SPANXN4: variants seen among roughly 807,000 people sequenced by gnomAD.
SPANXN4 encodes sperm protein associated with the nucleus on the X chromosome N4.
A neutral mutation model predicts 6.0 loss-of-function variants in SPANXN4; 5 were observed. The ratio of observed to expected loss-of-function variants is 0.83; its 90% CI spans 0.44 to 1.75. SPANXN4 has a LOEUF of 1.75. Among genes scored for constraint, SPANXN4 ranks in the 40% most tolerant of loss-of-function variants. The pLI, the probability that SPANXN4 is intolerant of heterozygous loss-of-function variation, is 0.02. For synonymous variants in SPANXN4, 45 were observed against 38.0 expected (o/e 1.19, Z -0.68); for missense variants, 157 against 108.6 (o/e 1.45, Z -1.98).
At chrX:143,035,577 G>C (rs1436966452), downstream of SPANXN4, among the ~76,000 whole-genome samples, 1 of 110,744 alleles carries the variant, frequency 9.0e-6, no homozygotes, top group Non-Finnish European at 1.9e-5. Context: ...TCAAGTGACT[G>C]TAAATAGTAT....
rs1476981519 is a variant in SPANXN4, at chrX:143,034,022, C to T, written c.79-6C>T. ...TTCTGGCCTCTCCCTGTTTTTTTAC[C>T]AGAAGAAGAAGAATCTGCACAGAGC... On this transcript the variant is annotated splice_region_variant and splice_polypyrimidine_tract_variant and intron_variant, in intron 1 of 2. Coordinates refer to ENST00000370504, the Ensembl canonical transcript of SPANXN4. The T allele has an allele frequency of 8.6e-6, 10 of 1,161,076 alleles. No individual in the cohort carries two copies. Among genetic ancestry groups the T allele is most frequent in the Middle Eastern group, 2.4e-4 (1 of 4,248 alleles).
At chrX:143,034,529 G>C (rs1281704948) in exon 3 of SPANXN4, 14 of 1,145,504 alleles carry the variant, frequency 1.2e-5, no homozygotes, top group Non-Finnish European at 1.3e-5. Flanking sequence ...AAAGGATTTG[G>C]TGTTCCTTGG....
intron 1 of SPANXN4, among the ~76,000 whole-genome samples, chrX:143,031,693 C>T (rs1191558626): frequency 9.0e-6 from 1 of 111,541 alleles, no homozygotes; most frequent in Non-Finnish European, 1.9e-5. Flanking sequence ...TTAGCCTGGT[C>T]CTTTTTTGTG....
intron 1 of SPANXN4, among the ~76,000 whole-genome samples, chrX:143,031,351 G>C (rs60201101): frequency 1.8e-5 from 2 of 110,026 alleles, no homozygotes; most frequent in Non-Finnish European, 3.8e-5. Context: ...GGAAAGACAC[G>C]GGCTTACTAG....
rs1166602515 is a variant in SPANXN4 at position 143,034,325 on chromosome X, C to G, written c.283+93C>G. 11 of 1,041,779 alleles carry G rather than the reference C, an allele frequency of 1.1e-5. No homozygotes were observed. Among genetic ancestry groups the G allele is most frequent in the South Asian group, 2.4e-5 (1 of 42,220 alleles). The allele number at this position is 1,041,779 out of a possible 1,213,427, so 85.9% of individuals were successfully genotyped here. A position where few individuals can be genotyped will look rare whatever the true frequency, so the allele number is the denominator to read the frequency against. On this transcript the variant is annotated intron_variant, in intron 2 of 2. Transcript: ENST00000370504. ...TTGAGGAGCTGATGACTGTGTATAC[C>G]TCTGCCTTTTTTTCTGATGGTGGGG...
intron 1 of SPANXN4, among the ~76,000 whole-genome samples, chrX:143,029,332 C>T (rs781715498): frequency 3.2e-4 from 36 of 111,452 alleles, no homozygotes; most frequent in African/African-American, 9.5e-4. Context: ...GGATGTACCA[C>T]GCATATTTGG....
At chrX:143,026,074 C>T in exon 1 of SPANXN4, 1 of 1,206,511 alleles carries the variant, frequency 8.3e-7, no homozygotes, top group Non-Finnish European at 1.1e-6. Flanking sequence ...GTGAATCTAA[C>T]AAAAGAAAAG....
chrX:143,033,689 A>C (rs1030235413), intron 1 of SPANXN4, among the ~76,000 whole-genome samples: 1 of 111,689 alleles, frequency 9.0e-6, no homozygotes, highest in Non-Finnish European at 1.9e-5. Context: ...ATATGATAGC[A>C]ATGTTTCTTA....
At chrX:143,031,238 T>G (rs911445707) in intron 1 of SPANXN4, among the ~76,000 whole-genome samples, 1 of 110,937 alleles carries the variant, frequency 9.0e-6, no homozygotes, top group Non-Finnish European at 1.9e-5. Flanking sequence ...AGTCTGATTG[T>G]GCCTAGAGGG....
At chrX:143,034,556 G>A (rs768193777) in exon 3 of SPANXN4, 146 of 1,160,993 alleles carry the variant, frequency 1.3e-4, no homozygotes, top group Non-Finnish European at 1.6e-4. Flanking sequence ...TGCATGTTTA[G>A]AAGAGCACAT....
chrX:143,036,624 G>A (rs1932845051), downstream of SPANXN4, among the ~76,000 whole-genome samples: 1 of 111,879 alleles, frequency 8.9e-6, no homozygotes, highest in African/African-American at 3.2e-5. Flanking sequence ...CTATCAATTA[G>A]TACATGTAAA....
chrX:143,033,557 C>G (rs1932823884), intron 1 of SPANXN4, among the ~76,000 whole-genome samples: 1 of 111,425 alleles, frequency 9.0e-6, no homozygotes, highest in Non-Finnish European at 1.9e-5. Context: ...TGGTGGGAGG[C>G]AGCTGGGCAG....
intron 1 of SPANXN4, among the ~76,000 whole-genome samples, 152 bp downstream of exon 1, chrX:143,026,244 G>A (rs941882001): frequency 2.7e-5 from 3 of 111,715 alleles, no homozygotes; most frequent in African/African-American, 9.8e-5. Context: ...ACAGGCCAGC[G>A]TACTTATAGG....
Position 143,033,911 on chromosome X carries a change from C to T in SPANXN4, c.79-117C>T, listed in dbSNP as rs1602658978. ...ATGATTCCACCTTGCTCTTCTCTGG[C>T]ACAAGCCCCTTCCTCAACCTGCATT... On this transcript the variant is annotated intron_variant, in intron 1 of 2. Transcript: ENST00000370504. 7.3e-6 allele frequency: 5 copies of T among 687,107 alleles called. No homozygotes were observed. The East Asian group carries it at 1.8e-4, about 24-fold the overall frequency. 56.6% of individuals were successfully genotyped at this position (687,107 alleles called of 1,213,427 possible). A position where few individuals can be genotyped will look rare whatever the true frequency, so the allele number is the denominator to read the frequency against.
downstream of SPANXN4, among the ~76,000 whole-genome samples, chrX:143,035,709 G>A (rs1027409603): frequency 9.1e-6 from 1 of 109,314 alleles, no homozygotes; most frequent in African/African-American, 3.3e-5. Flanking sequence ...TGTCATTATG[G>A]GATATATATA....
intron 1 of SPANXN4, among the ~76,000 whole-genome samples, chrX:143,026,884 C>T (rs902023462): frequency 1.8e-5 from 2 of 112,041 alleles, no homozygotes; most frequent in African/African-American, 6.5e-5. Context: ...GTGCTGAGTG[C>T]AGCAGAGATG....
downstream of SPANXN4, among the ~76,000 whole-genome samples, chrX:143,037,879 T>C (rs1385774581): frequency 9.0e-6 from 1 of 111,185 alleles, no homozygotes; most frequent in Non-Finnish European, 1.9e-5. Flanking sequence ...CCTTCCATCA[T>C]AATTCTAAGT....
chrX:143,028,946 C>T (rs769861066), intron 1 of SPANXN4, among the ~76,000 whole-genome samples: 69 of 111,719 alleles, frequency 6.2e-4, no homozygotes, highest in African/African-American at 2.0e-3. Flanking sequence ...TGGTTGCGCA[C>T]GTATAAAAGT....
At chrX:143,032,652 T>A (rs1932817637) in intron 1 of SPANXN4, among the ~76,000 whole-genome samples, 1 of 110,949 alleles carries the variant, frequency 9.0e-6, no homozygotes, top group South Asian at 3.8e-4. Flanking sequence ...TCCTTTACCA[T>A]TGCATTAGAG....
Sources: allele counts gnomAD v4.1 joint callset (sites outside exome capture counted in the v4.1 genomes callset), GRCh38; gene constraint gnomAD v4.1.1; transcripts MANE v1.5; gene names NCBI Gene and HGNC (gene_info 2026-07-23, HGNC 2026-07-21).